PCSK5: variants seen among roughly 807,000 people sequenced by gnomAD.
The protein encoded by PCSK5 is prohormone convertase 5.
Under a neutral mutation model 233.2 loss-of-function variants are expected in PCSK5, and 129 were observed. The ratio of observed to expected loss-of-function variants is 0.55; its 90% CI spans 0.48 to 0.64. The LOEUF (loss-of-function observed/expected upper bound fraction) is 0.64, where lower values mean the gene tolerates loss of function less well. PCSK5 is among the 30% of genes least tolerant of loss of function. The probability of loss-of-function intolerance (pLI) is 0.00; values close to 1 mark genes in which losing one functional copy is unlikely to be tolerated. For synonymous variants in PCSK5, 825 were observed against 879.2 expected (o/e 0.94, Z 1.09); for missense variants, 2,076 against 2,430.1 (o/e 0.85, Z 3.06).
At chr9:76,115,251 G>A (rs1370205514) in intron 9 of PCSK5, among the ~76,000 whole-genome samples, 2 of 152,096 alleles carry the variant, frequency 1.3e-5, no homozygotes, top group African/African-American at 2.4e-5. Context: ...ATTATTGACT[G>A]TCCTTGGGTA....
intron 10 of PCSK5, among the ~76,000 whole-genome samples, chr9:76,153,804 C>T (rs1271963257): frequency 1.3e-5 from 2 of 152,136 alleles, no homozygotes; most frequent in Non-Finnish European, 2.9e-5. Context: ...CTTCTAGGCA[C>T]CATTCATTCA....
intron 3 of PCSK5, among the ~76,000 whole-genome samples, chr9:76,002,337 T>A (rs565817079): frequency 6.6e-6 from 1 of 152,322 alleles, no homozygotes; most frequent in East Asian, 1.9e-4. Context: ...AAGTTCCTAA[T>A]GTGAGAACAA....
At chr9:76,302,978 T>TC (rs1175619931) in intron 28 of PCSK5, among the ~76,000 whole-genome samples, 1 of 148,062 alleles carries the variant, frequency 6.8e-6, no homozygotes, top group African/African-American at 2.5e-5. Flanking sequence ...TTTTTTTTTT[T>TC]TTTTTGTGGT....
chr9:76,149,019 G>A (rs1823561872), intron 10 of PCSK5, among the ~76,000 whole-genome samples: 1 of 152,156 alleles, frequency 6.6e-6, no homozygotes, highest in South Asian at 2.1e-4. Context: ...AAGGATTTAA[G>A]AGCCATCTCA....
intron 1 of PCSK5, among the ~76,000 whole-genome samples, chr9:75,929,213 G>T (rs765804562): frequency 6.6e-6 from 1 of 152,146 alleles, no homozygotes; most frequent in Non-Finnish European, 1.5e-5. Flanking sequence ...GATTACAGGC[G>T]TGAGCCGCCG....
chr9:75,908,925 C>A (rs11144677), intron 1 of PCSK5, among the ~76,000 whole-genome samples: 23,124 of 100,752 alleles, frequency 0.23, 2,621 homozygotes, highest in African/African-American at 0.33. Context: ...CTATCTATCT[C>A]TCTATCTCTC....
At chr9:76,099,027 T>C (rs1284910526) in intron 8 of PCSK5, among the ~76,000 whole-genome samples, 1 of 152,246 alleles carries the variant, frequency 6.6e-6, no homozygotes, top group Non-Finnish European at 1.5e-5. Flanking sequence ...CGAGGTCATA[T>C]ACTTTTCCCC....
intron 33 of PCSK5, among the ~76,000 whole-genome samples, chr9:76,329,949 ATGT>A (rs1190345068): frequency 6.6e-6 from 1 of 152,128 alleles, no homozygotes; most frequent in South Asian, 2.1e-4. Context: ...TTCAGAAGTG[ATGT>A]TGTATCCTCC....
intron 7 of PCSK5, among the ~76,000 whole-genome samples, chr9:76,094,335 G>A (rs1831419851): frequency 6.6e-6 from 1 of 152,152 alleles, no homozygotes; most frequent in African/African-American, 2.4e-5. Context: ...GGGCCTGGAA[G>A]GAAGAAAGTC....
intron 5 of PCSK5, among the ~76,000 whole-genome samples, chr9:76,034,347 T>C (rs897836770): frequency 6.6e-6 from 1 of 152,188 alleles, no homozygotes; most frequent in Admixed American, 6.5e-5. Context: ...CGTTTCCTTG[T>C]TTCTGGTCTT....
chr9:76,054,115 C>T (rs544463652), intron 5 of PCSK5, among the ~76,000 whole-genome samples: 1 of 152,196 alleles, frequency 6.6e-6, no homozygotes, highest in African/African-American at 2.4e-5. Context: ...TCTCATAAGA[C>T]TTACTATCAC....
intron 9 of PCSK5, among the ~76,000 whole-genome samples, chr9:76,119,248 A>G (rs1825008777): frequency 6.6e-6 from 1 of 151,934 alleles, no homozygotes. Flanking sequence ...CATATACTCA[A>G]CATATTACCT....
chr9:75,968,758 A>G (rs1825697943), intron 2 of PCSK5, among the ~76,000 whole-genome samples: 1 of 152,210 alleles, frequency 6.6e-6, no homozygotes, highest in African/African-American at 2.4e-5. Flanking sequence ...GGAAATGTGG[A>G]AAAATGGTCA....
chr9:76,355,055 G>A (rs1830263732), intron 37 of PCSK5, among the ~76,000 whole-genome samples: 1 of 152,150 alleles, frequency 6.6e-6, no homozygotes, highest in Non-Finnish European at 1.5e-5. Flanking sequence ...AGGCTAAGAA[G>A]TAAAACCCCC....
At chr9:76,164,212 A>G (rs1822997665) in intron 12 of PCSK5, among the ~76,000 whole-genome samples, 1 of 152,206 alleles carries the variant, frequency 6.6e-6, no homozygotes, top group Non-Finnish European at 1.5e-5. Flanking sequence ...AGTAAAAATT[A>G]CACTTTTGCA....
At chr9:76,178,680 T>G (rs1823721942) in intron 14 of PCSK5, among the ~76,000 whole-genome samples, 1 of 152,252 alleles carries the variant, frequency 6.6e-6, no homozygotes, top group African/African-American at 2.4e-5. Flanking sequence ...CTTGACTTAC[T>G]ATTTGTACAT....
intron 3 of PCSK5, among the ~76,000 whole-genome samples, chr9:76,011,669 TTTG>T (rs573985497): frequency 5.9e-5 from 9 of 152,218 alleles, no homozygotes; most frequent in Non-Finnish European, 1.2e-4. Flanking sequence ...AAGTAATTTT[TTTG>T]TTTCCAAATT....
chr9:76,189,854 T>G, intron 20 of PCSK5, 108 bp downstream of exon 20: 1 of 616,652 alleles, frequency 1.6e-6, no homozygotes, highest in Admixed American at 3.0e-5. Context: ...GCATCAGATA[T>G]GACATGCTCA....
intron 4 of PCSK5, 110 bp downstream of exon 4, chr9:76,023,991 G>C: frequency 2.2e-6 from 2 of 898,640 alleles, no homozygotes; most frequent in Non-Finnish European, 3.3e-6. Context: ...ACGTACAATA[G>C]GGTATTGTGT....
Sources: allele counts gnomAD v4.1 joint callset (sites outside exome capture counted in the v4.1 genomes callset), GRCh38; gene constraint gnomAD v4.1.1; transcripts MANE v1.5; gene names NCBI Gene and HGNC (gene_info 2026-07-23, HGNC 2026-07-21).